The following PCLO variants were observed in gnomAD, a reference collection of about 807,000 sequenced individuals.
PCLO encodes the protein piccolo presynaptic cytomatrix protein.
Under a neutral mutation model 427.5 loss-of-function variants are expected in PCLO, and 82 were observed. That is an observed-to-expected ratio of 0.19 (90% confidence interval 0.16 to 0.23). PCLO has a LOEUF of 0.23. PCLO is among the 10% of genes least tolerant of loss of function. The pLI is 1.00. For missense variants in PCLO, 6,239 were observed against 6,115.9 expected (o/e 1.02, Z -0.67); for synonymous variants, 2,357 against 2,155.4 (o/e 1.09, Z -2.59).
intron 3 of PCLO, among the ~76,000 whole-genome samples, chr7:83,074,454 G>C (rs974055314): frequency 6.6e-6 from 1 of 151,880 alleles, no homozygotes; most frequent in Non-Finnish European, 1.5e-5. Flanking sequence ...TTATGTAAAA[G>C]TATATCCAGA....
rs951191033 is a variant in PCLO, at chr7:82,821,530, T to G, written c.14791+965A>C. 1.2e-5 allele frequency: 12 copies of G among 983,794 alleles called. No homozygotes were observed. The African/African-American group carries it at 1.9e-4, about 16-fold the overall frequency. The allele number at this position is 983,794 out of a possible 1,614,324, so 60.9% of individuals were successfully genotyped here. A position where few individuals can be genotyped will look rare whatever the true frequency, so the allele number is the denominator to read the frequency against. ...TGATCTATCTCCATTGCCTGGCTAATGCCTTTTAGAAGTAACAGGGTACCT... is the reference window on the plus strand; with the variant it reads ...TGATCTATCTCCATTGCCTGGCTAAGGCCTTTTAGAAGTAACAGGGTACCT... On this transcript the variant is annotated intron_variant, in intron 20 of 24. Transcript: ENST00000333891.
chr7:82,791,812 A>G (rs1791107540), intron 22 of PCLO, among the ~76,000 whole-genome samples: 1 of 152,020 alleles, frequency 6.6e-6, no homozygotes, highest in African/African-American at 2.4e-5. Flanking sequence ...AATTATGTAA[A>G]CTTCCAGGAT....
Position 82,805,901 on chromosome 7 carries a change from A to T in PCLO, c.14792-72T>A. On this transcript the variant is annotated intron_variant, in intron 20 of 24. Transcript: ENST00000333891. ...GACATTGATCTACAAATGCATCATT[A>T]TACATCTTCTTAATTTACATGTGAC... 3 of 1,383,382 alleles carry T rather than the reference A, an allele frequency of 2.2e-6. No homozygotes were observed. In the Admixed American group the frequency reaches 6.1e-5, roughly 28 times the overall value. 85.7% of individuals were successfully genotyped at this position (1,383,382 alleles called of 1,614,324 possible).
At chr7:83,081,013 C>T (rs1295242943) in intron 3 of PCLO, among the ~76,000 whole-genome samples, 1 of 151,736 alleles carries the variant, frequency 6.6e-6, no homozygotes, top group East Asian at 1.9e-4. Context: ...TTGTATTCAC[C>T]TATTTTTGAA....
chr7:82,944,678 G>A (rs772421757), intron 6 of PCLO, among the ~76,000 whole-genome samples: 7 of 152,064 alleles, frequency 4.6e-5, no homozygotes, highest in Admixed American at 6.5e-5. Flanking sequence ...TACAGTTACC[G>A]GAACTTTTGA....
chr7:82,949,881 T>A lies in PCLO; in HGVS notation c.10707A>T (p.Thr3569=), dbSNP rs759639546. The change falls in exon 6 of 25, where the codon ACA becomes ACT. Residue 3569 remains threonine, a synonymous_variant. Coordinates refer to ENST00000333891, the MANE Select transcript of PCLO (RefSeq NM_033026.6). ...TYKGGSLGCQ[T]EADSDTQSPQ... ...GACTTTGTGTGTCTGAATCTGCTTC[T>A]GTTTGACATCCTAAACTGCCCCCTT... 1 of 1,613,794 alleles carries A rather than the reference T, an allele frequency of 6.2e-7. No individual in the cohort carries two copies.
chr7:82,883,544 CT>C (rs1017303244), intron 9 of PCLO, among the ~76,000 whole-genome samples: 6 of 151,940 alleles, frequency 3.9e-5, no homozygotes, highest in Non-Finnish European at 5.9e-5. Context: ...AAAAAAATTC[CT>C]ATAAACACAA....
intron 3 of PCLO, among the ~76,000 whole-genome samples, chr7:82,998,463 G>A (rs773243773): frequency 6.6e-6 from 1 of 151,712 alleles, no homozygotes; most frequent in East Asian, 1.9e-4. Context: ...GAACTGCTGG[G>A]GTTTCACTAC....
At chr7:83,090,748 T>G (rs1192393642) in intron 3 of PCLO, among the ~76,000 whole-genome samples, 1 of 152,144 alleles carries the variant, frequency 6.6e-6, no homozygotes, top group East Asian at 1.9e-4. Flanking sequence ...ATTTTTAAAT[T>G]ACATTTTTTT....
Position 82,789,057 on chromosome 7 carries a change from GA to G in PCLO, c.15007+12460del, listed in dbSNP as rs544668664. ...CTAAATACTTTATTAAGAAAACTAT[GA>G]AAAAAAATGATTAGTTATATAAAAG... On this transcript the variant is annotated intron_variant, in intron 22 of 24. Transcript: ENST00000333891. Among the ~76,000 whole-genome samples the G allele has an allele frequency of 2.0e-3, 309 of 151,168 alleles. 1 individual carries two copies. The highest frequency in any genetic ancestry group is 0.014 in the South Asian group (66 of 4,778).
intron 13 of PCLO, 102 bp from the exon 14 acceptor site, chr7:82,841,611 CTGCTTGGAAAATAT>C (rs1792368345): frequency 6.9e-6 from 5 of 725,266 alleles, no homozygotes; most frequent in Non-Finnish European, 9.5e-6. Context: ...GTCAGAGCAA[CTGCTTGGAAAATAT>C]ATTTTATCCA....
chr7:83,009,084 T>C (rs940866278), intron 3 of PCLO, among the ~76,000 whole-genome samples: 1 of 151,748 alleles, frequency 6.6e-6, no homozygotes. Context: ...TATTTTAAGA[T>C]AGCCTTTTTA....
intron 24 of PCLO, among the ~76,000 whole-genome samples, chr7:82,759,330 T>G (rs977629457): frequency 6.6e-6 from 1 of 151,916 alleles, no homozygotes; most frequent in Admixed American, 6.6e-5. Context: ...AATTTTATTC[T>G]CTTTTTCTCT....
intron 22 of PCLO, among the ~76,000 whole-genome samples, chr7:82,772,409 C>G (rs1271765862): frequency 6.6e-6 from 1 of 152,024 alleles, no homozygotes; most frequent in Non-Finnish European, 1.5e-5. Context: ...GGGTGGCCTC[C>G]TAGCACATTC....
chr7:83,039,715 T>C (rs1788924752), intron 3 of PCLO, among the ~76,000 whole-genome samples: 1 of 152,160 alleles, frequency 6.6e-6, no homozygotes, highest in African/African-American at 2.4e-5. Flanking sequence ...AAGATTGCCT[T>C]GTGCATTTCT....
rs905211735 is a variant in PCLO, at chr7:82,760,650, G to A, written c.15277C>T (p.His5093Tyr). The A allele has an allele frequency of 4.4e-6, 7 of 1,595,268 alleles. No individual in the cohort carries two copies. Among genetic ancestry groups the A allele is most frequent in the African/African-American group, 4.1e-5 (3 of 73,754 alleles). ...TAATACAGAGCTACCTGAAGAGAAT[G>A]TCCTGCAGGACTTAGACTGAATCGA... ...TFRFSLSPAG[H>Y]SLQILLFSNG... The change falls in exon 24 of 25, where the codon CAT (histidine) becomes TAT (tyrosine). Residue 5093 changes from histidine to tyrosine, a missense_variant. By Grantham distance (83) the His-to-Tyr change is moderately conservative (BLOSUM62 2). This residue lies in a region of PCLO where 877 missense variants were observed against 925.5 expected (regional missense o/e 0.95). Transcript: ENST00000333891.
chr7:82,976,617 G>C (rs1375357385), intron 3 of PCLO, among the ~76,000 whole-genome samples: 24 of 151,986 alleles, frequency 1.6e-4, no homozygotes, highest in Admixed American at 1.6e-3. Context: ...ATATTAACTT[G>C]CATGACCAAG....
At chr7:82,948,653 T>C (rs1437443072) in intron 6 of PCLO, among the ~76,000 whole-genome samples, 3 of 152,186 alleles carry the variant, frequency 2.0e-5, no homozygotes, top group Non-Finnish European at 2.9e-5. Context: ...AAATATCTGC[T>C]TTAGAGCTGA....
intron 3 of PCLO, among the ~76,000 whole-genome samples, chr7:83,087,336 C>T (rs1165718587): frequency 6.6e-6 from 1 of 151,756 alleles, no homozygotes; most frequent in East Asian, 1.9e-4. Context: ...AGATTAAAAA[C>T]TGCATATGGG....
Sources: allele counts gnomAD v4.1 joint callset (sites outside exome capture counted in the v4.1 genomes callset), GRCh38; gene constraint gnomAD v4.1.1; regional missense constraint gnomAD v4.1.1; transcripts MANE v1.5; gene names NCBI Gene and HGNC (gene_info 2026-07-23, HGNC 2026-07-21).